Variants in PDE4D observed in about 807,000 individuals in gnomAD.
PDE4D encodes the protein phosphodiesterase 4D.
Under a neutral mutation model 87.4 loss-of-function variants are expected in PDE4D, and 24 were observed. That is an observed-to-expected ratio of 0.27 (90% CI 0.20 to 0.39). The LOEUF (loss-of-function observed/expected upper bound fraction) is 0.39, where lower values mean the gene tolerates loss of function less well. Ranked by LOEUF, PDE4D falls within the 10% of genes least tolerant of loss-of-function variation. PDE4D has a pLI of 1.00. For missense variants in PDE4D, 714 were observed against 1,041.0 expected (o/e 0.69, Z 4.32); for synonymous variants, 384 against 383.2 (o/e 1.00, Z -0.02).
At chr5:60,397,280 T>C (rs1762947579) in intron 1 of PDE4D, among the ~76,000 whole-genome samples, 1 of 152,166 alleles carries the variant, frequency 6.6e-6, no homozygotes, top group Admixed American at 6.5e-5. Flanking sequence ...GATCCAGGAA[T>C]CCCATGACTA....
intron 1 of PDE4D, among the ~76,000 whole-genome samples, chr5:60,201,370 A>G (rs1243134385): frequency 6.6e-6 from 1 of 152,096 alleles, no homozygotes. Flanking sequence ...TAGGTTTTGT[A>G]TGCTTGTTTG....
chr5:60,313,860 A>G lies in PDE4D; in HGVS notation c.-89-128173T>C, dbSNP rs150360308. 1.6e-3 allele frequency among the ~76,000 whole-genome samples: 247 copies of G among 152,348 alleles called. 3 individuals are homozygous for G. Among genetic ancestry groups the G allele is most frequent in the Admixed American group, 0.014 (214 of 15,306 alleles). On this transcript the variant is annotated intron_variant, in intron 1 of 16. Coordinates refer to the PDE4D transcript ENST00000502484. ...AGAAACTACATGATCACCTTGATAG[A>G]TGAGGAAAAAGCTTTCAATAAAATT...
intron 1 of PDE4D, among the ~76,000 whole-genome samples, chr5:59,754,537 A>T (rs891250417): frequency 6.6e-6 from 1 of 152,038 alleles, no homozygotes; most frequent in Admixed American, 6.6e-5. Flanking sequence ...TGAAATTTGT[A>T]ATATTTATTT....
At chr5:60,050,154 TG>T (rs1373540439) in intron 2 of PDE4D, among the ~76,000 whole-genome samples, 1 of 152,168 alleles carries the variant, frequency 6.6e-6, no homozygotes, top group Non-Finnish European at 1.5e-5. Context: ...CCCCTTTCTT[TG>T]ACTAGGAAAG....
At chr5:59,177,490 C>T (rs1280377952) in intron 5 of PDE4D, among the ~76,000 whole-genome samples, 3 of 152,132 alleles carry the variant, frequency 2.0e-5, no homozygotes, top group Admixed American at 1.3e-4. Flanking sequence ...GGGCATCATG[C>T]GTGTTCACTC....
chr5:60,276,756 A>C (rs2149736814), intron 1 of PDE4D, among the ~76,000 whole-genome samples: 1 of 151,780 alleles, frequency 6.6e-6, no homozygotes, highest in African/African-American at 2.4e-5. Flanking sequence ...GTTAAATTTA[A>C]TTTGTCTAAA....
chr5:59,012,221 A>G (rs1238330957), intron 6 of PDE4D, among the ~76,000 whole-genome samples: 3 of 152,242 alleles, frequency 2.0e-5, no homozygotes, highest in Non-Finnish European at 4.4e-5. Flanking sequence ...AAGACCATCA[A>G]GGCTAGGAAG....
intron 1 of PDE4D, among the ~76,000 whole-genome samples, chr5:59,239,810 A>G (rs1356245857): frequency 1.3e-5 from 2 of 152,162 alleles, no homozygotes; most frequent in African/African-American, 4.8e-5. Flanking sequence ...CAGCTAGGGG[A>G]CCTTAAGCAA....
At chr5:59,712,583 C>CA (rs1754369920) in intron 1 of PDE4D, among the ~76,000 whole-genome samples, 1 of 149,806 alleles carries the variant, frequency 6.7e-6, no homozygotes, top group African/African-American at 2.4e-5. Flanking sequence ...TCTATTCTGC[C>CA]AAAAAATGTG....
chr5:59,126,157 G>A lies in PDE4D; in HGVS notation c.808+54438C>T, dbSNP rs937427580. Among the ~76,000 whole-genome samples, 3 of 147,902 alleles carry A rather than the reference G, an allele frequency of 2.0e-5. No individual in the cohort carries two copies. In the South Asian group the frequency reaches 6.3e-4, roughly 31 times the overall value. ...AGCAAGGAAGAAAGGAAAAAAGGAAGGGAAGAAGGAAGGAAGGAAAAAAGG... is the reference window on the plus strand; with the variant it reads ...AGCAAGGAAGAAAGGAAAAAAGGAAAGGAAGAAGGAAGGAAGGAAAAAAGG... On this transcript the variant is annotated intron_variant, in intron 5 of 14. Coordinates refer to ENST00000340635, the MANE Select transcript of PDE4D (RefSeq NM_001104631.2).
chr5:59,622,015 A>C (rs781043228), intron 1 of PDE4D, among the ~76,000 whole-genome samples: 26 of 152,208 alleles, frequency 1.7e-4, no homozygotes, highest in Non-Finnish European at 3.5e-4. Context: ...AAGAGTTACA[A>C]GTATTGCCTC....
At chr5:60,126,321 A>T (rs889078360) in intron 2 of PDE4D, among the ~76,000 whole-genome samples, 6 of 152,302 alleles carry the variant, frequency 3.9e-5, no homozygotes, top group African/African-American at 1.4e-4. Flanking sequence ...AACACTCTAA[A>T]TATCAAGCAG....
intron 1 of PDE4D, among the ~76,000 whole-genome samples, chr5:59,354,874 C>A (rs1781118369): frequency 1.3e-5 from 2 of 152,188 alleles, no homozygotes; most frequent in South Asian, 4.1e-4. Flanking sequence ...AAAGAGTTTG[C>A]AGTGCAACTG....
intron 1 of PDE4D, among the ~76,000 whole-genome samples, chr5:59,865,070 A>G (rs1445782047): frequency 6.6e-6 from 1 of 152,236 alleles, no homozygotes; most frequent in Non-Finnish European, 1.5e-5. Flanking sequence ...AGGAAAGGGC[A>G]GCAAGCCTTT....
At chr5:60,134,395 C>T (rs912999690) in intron 2 of PDE4D, among the ~76,000 whole-genome samples, 3 of 152,066 alleles carry the variant, frequency 2.0e-5, no homozygotes, top group Admixed American at 6.6e-5. Context: ...GTCCTAACTA[C>T]TAGGGAGGCT....
rs1747055202 is a variant in PDE4D, at chr5:60,241,070, C to A, written c.-89-55383G>T. Reference sequence around the variant, plus strand: ...AAACCTGGGAAACAGATATATGTGACCTTTCAGACAGAGAATTCAAAATAA... The same window carrying A: ...AAACCTGGGAAACAGATATATGTGAACTTTCAGACAGAGAATTCAAAATAA... On this transcript the variant is annotated intron_variant, in intron 1 of 16. Transcript: ENST00000502484. Among the ~76,000 whole-genome samples, 9 of 152,010 alleles carry A rather than the reference C, an allele frequency of 5.9e-5. No individual in the cohort carries two copies. The South Asian group carries it at 1.9e-3, about 32-fold the overall frequency.
intron 1 of PDE4D, among the ~76,000 whole-genome samples, chr5:59,446,277 A>G (rs983621225): frequency 6.6e-6 from 1 of 152,180 alleles, no homozygotes; most frequent in African/African-American, 2.4e-5. Flanking sequence ...TTACCTATAT[A>G]GTAACAAGAG....
chr5:59,182,254 ATT>A lies in PDE4D; in HGVS notation c.759-1612_759-1611del, dbSNP rs3061467. Among the ~76,000 whole-genome samples the A allele has an allele frequency of 2.2e-4, 33 of 147,926 alleles. 1 individual carries two copies. The highest frequency in any genetic ancestry group is 4.7e-4 in the Admixed American group (7 of 14,832). On this transcript the variant is annotated intron_variant, in intron 4 of 14. Coordinates refer to ENST00000340635, the MANE Select transcript of PDE4D (RefSeq NM_001104631.2). ...CCAGTAATTATCTTCTTCTTCTTAA[ATT>A]TTTTTTTTTTTAAAGTTTTGAGATA...
chr5:59,798,294 GTGTT>G (rs1766734215), intron 1 of PDE4D, among the ~76,000 whole-genome samples: 1 of 144,422 alleles, frequency 6.9e-6, no homozygotes, highest in Non-Finnish European at 1.5e-5. Flanking sequence ...GTGTGTGTGT[GTGTT>G]TGTGTGTATG....
Sources: gnomAD v4.1 joint callset for allele counts (sites outside exome capture counted in the v4.1 genomes callset) on GRCh38, gnomAD v4.1.1 for gene constraint, MANE v1.5 for transcripts, NCBI Gene and HGNC (gene_info 2026-07-23, HGNC 2026-07-21) for gene names.